The following CENPP variants were observed in gnomAD, a reference collection of about 807,000 sequenced individuals.
CENPP encodes the protein centromere protein P.
A neutral mutation model predicts 35.6 loss-of-function variants in CENPP; 24 were observed. The ratio of observed to expected loss-of-function variants is 0.67; its 90% CI spans 0.49 to 0.95. CENPP has a LOEUF of 0.95. Ranked by LOEUF, CENPP falls within the 40% of genes least tolerant of loss-of-function variation. CENPP has a pLI of 0.00. For missense variants in CENPP, 332 were observed against 345.3 expected, an observed-to-expected ratio of 0.96 and a Z score of 0.31; for synonymous variants, 120 against 125.5, an observed-to-expected ratio of 0.96 and a Z score of 0.29.
In CENPP at chr9:92,618,528, C is replaced by CG. The variant is rs374257924; in HGVS notation, c.*5385dup. ...TCCATTGCCCAGCTGCATCCTTGGT[C>CG]GGGGGGCTGCTGAACAGTGGTATCT... On this transcript the variant is annotated 3_prime_UTR_variant, in exon 8 of 8. Coordinates refer to ENST00000375587, the MANE Select transcript of CENPP (RefSeq NM_001012267.3). 10 of 456,662 alleles carry CG rather than the reference C, an allele frequency of 2.2e-5. No individual in the cohort carries two copies. The highest frequency in any genetic ancestry group is 1.4e-4 in the African/African-American group (7 of 50,180). The allele number at this position is 456,662 out of a possible 1,614,324, so 28.3% of individuals were successfully genotyped here.
At chr9:92,611,495 A>C in intron 6 of CENPP, 102 bp downstream of exon 6, 2 of 867,288 alleles carry the variant, frequency 2.3e-6, no homozygotes, top group Non-Finnish European at 3.6e-6. Flanking sequence ...CTACCTAACC[A>C]AGAACTAAAG....
intron 5 of CENPP, among the ~76,000 whole-genome samples, chr9:92,440,593 C>T (rs183348375): frequency 9.3e-4 from 142 of 152,214 alleles, no homozygotes; most frequent in Admixed American, 4.6e-3. Flanking sequence ...GTGCTAACAT[C>T]TGTAGTAAGA....
intron 5 of CENPP, among the ~76,000 whole-genome samples, chr9:92,533,328 A>AAAAAAAAAAAAAAATATATAT (rs1554683138): frequency 2.6e-5 from 1 of 38,338 alleles, no homozygotes; most frequent in Non-Finnish European, 4.3e-5. Context: ...AAAAAAAAAA[A>AAAAAAAAAAAAAAATATATAT]ATATATATAT....
At chr9:92,460,615 A>G in intron 5 of CENPP, 1 of 1,161,338 alleles carries the variant, frequency 8.6e-7, no homozygotes, top group Non-Finnish European at 1.3e-6. Flanking sequence ...CACTAAGCCC[A>G]ATTGACTATT....
intron 5 of CENPP, chr9:92,522,953 C>CT (rs1439687420): frequency 2.1e-6 from 3 of 1,458,116 alleles, no homozygotes; most frequent in African/African-American, 2.8e-5. Flanking sequence ...TGAAAATTGG[C>CT]TTATATATTT....
chr9:92,477,253 TC>T (rs1258573948), intron 5 of CENPP, among the ~76,000 whole-genome samples: 1 of 152,192 alleles, frequency 6.6e-6, no homozygotes, highest in African/African-American at 2.4e-5. Flanking sequence ...GGGGCTTCCT[TC>T]TCAATATCAC....
chr9:92,356,966 C>T (rs1391096610), intron 4 of CENPP, among the ~76,000 whole-genome samples: 1 of 152,082 alleles, frequency 6.6e-6, no homozygotes, highest in Non-Finnish European at 1.5e-5. Flanking sequence ...ATGTTGTGCA[C>T]CCCAAAATGT....
intron 1 of CENPP, among the ~76,000 whole-genome samples, chr9:92,327,135 A>G (rs369823876): frequency 6.6e-6 from 1 of 152,258 alleles, no homozygotes; most frequent in African/African-American, 2.4e-5. Flanking sequence ...CTGAATCAGA[A>G]TCTGCATTTT....
chr9:92,612,249 C>A (rs997417871), intron 6 of CENPP, among the ~76,000 whole-genome samples: 7 of 152,234 alleles, frequency 4.6e-5, no homozygotes, highest in Non-Finnish European at 8.8e-5. Flanking sequence ...TCTGCTCCCA[C>A]CAGTAATTTT....
chr9:92,554,214 G>A lies in CENPP; in HGVS notation c.565-57100G>A, dbSNP rs149748227. Among the ~76,000 whole-genome samples the A allele has an allele frequency of 6.1e-3, 910 of 149,768 alleles. 7 individuals are homozygous for A. The highest frequency in any genetic ancestry group is 0.022 in the African/African-American group (872 of 40,282). ...TTTTTTTTTTTTGAGACGGAGTTTC[G>A]CTCTTATTGCCCAGGCTGGAGTGCA... On this transcript the variant is annotated intron_variant, in intron 5 of 7. Transcript: ENST00000375587.
intron 5 of CENPP, among the ~76,000 whole-genome samples, chr9:92,488,315 A>G (rs1462631609): frequency 6.6e-6 from 1 of 152,238 alleles, no homozygotes; most frequent in East Asian, 1.9e-4. Context: ...CCTTAAATTA[A>G]CTTTAACTCT....
At chr9:92,381,163 G>C (rs890525202) in intron 5 of CENPP, among the ~76,000 whole-genome samples, 11 of 151,952 alleles carry the variant, frequency 7.2e-5, no homozygotes, top group African/African-American at 2.7e-4. Context: ...TGCTACCACT[G>C]TTGTGTTTTC....
intron 5 of CENPP, among the ~76,000 whole-genome samples, chr9:92,555,085 A>G (rs1317477556): frequency 2.6e-5 from 4 of 151,924 alleles, no homozygotes; most frequent in Non-Finnish European, 2.9e-5. Flanking sequence ...GCTTCATAGA[A>G]TGAGTTAGGG....
At chr9:92,501,301 T>G (rs1846658038) in intron 5 of CENPP, among the ~76,000 whole-genome samples, 1 of 152,042 alleles carries the variant, frequency 6.6e-6, no homozygotes, top group African/African-American at 2.4e-5. Context: ...CATCAAAGAC[T>G]AGGAGGGAAA....
At chr9:92,330,932 C>T (rs1840726719) in intron 1 of CENPP, among the ~76,000 whole-genome samples, 1 of 152,196 alleles carries the variant, frequency 6.6e-6, no homozygotes, top group East Asian at 1.9e-4. Context: ...TCAAGTGATC[C>T]ACCTGCCTTG....
chr9:92,366,377 C>T (rs1025473211), intron 4 of CENPP, among the ~76,000 whole-genome samples: 16 of 152,076 alleles, frequency 1.1e-4, no homozygotes, highest in Admixed American at 3.9e-4. Flanking sequence ...TTGGGGAATC[C>T]TTCTCAGTGA....
At chr9:92,367,551 C>T (rs1238904081) in intron 4 of CENPP, among the ~76,000 whole-genome samples, 1 of 152,078 alleles carries the variant, frequency 6.6e-6, no homozygotes, top group Admixed American at 6.6e-5. Context: ...TTCTTGGTCC[C>T]ACAACTGTTT....
chr9:92,505,766 A>C (rs1846966828), intron 5 of CENPP: 2 of 1,225,908 alleles, frequency 1.6e-6, no homozygotes, highest in East Asian at 5.0e-5. Context: ...TTGAAATGTC[A>C]TGTGAAATGG....
intron 5 of CENPP, among the ~76,000 whole-genome samples, chr9:92,568,196 A>G (rs969250707): frequency 2.6e-5 from 4 of 151,382 alleles, no homozygotes; most frequent in Non-Finnish European, 2.9e-5. Context: ...TTAACTCAAC[A>G]TTTACATTAG....
Sources: gnomAD v4.1 joint callset for allele counts (sites outside exome capture counted in the v4.1 genomes callset) on GRCh38, gnomAD v4.1.1 for gene constraint, MANE v1.5 for transcripts, NCBI Gene and HGNC (gene_info 2026-07-23, HGNC 2026-07-21) for gene names.